The following MYH15 variants were observed in gnomAD, a reference collection of about 807,000 sequenced individuals.
MYH15 encodes the protein myosin heavy chain 15.
MYH15 carries 227 observed loss-of-function variants against 240.5 expected under a neutral mutation model. The observed-to-expected ratio is 0.94, with a 90% CI of 0.85 to 1.05. The LOEUF is 1.05. Among genes scored for constraint, MYH15 ranks in the 50% least tolerant of loss-of-function variants. MYH15 has a pLI of 0.00. For synonymous variants in MYH15, 785 were observed against 796.7 expected (o/e 0.99, Z 0.25); for missense variants, 2,217 against 2,247.5 (o/e 0.99, Z 0.27).
At chr3:108,507,988 CCTCT>C (rs1182287908) in intron 1 of MYH15, among the ~76,000 whole-genome samples, 1 of 152,130 alleles carries the variant, frequency 6.6e-6, no homozygotes, top group Non-Finnish European at 1.5e-5. Context: ...AGTCTCTCTC[CCTCT>C]GTCTCTCTTT....
chr3:108,416,793 G>C lies in MYH15; in HGVS notation c.3948+19C>G. ...AAACACACAGTCAAGAAACTAGTGA[G>C]AAATAATAGATACATTACTTTGGTC... On this transcript the variant is annotated intron_variant, in intron 29 of 40. Coordinates refer to ENST00000693548, the MANE Select transcript of MYH15 (RefSeq NM_014981.3). 6.4e-7 allele frequency: 1 copy of C among 1,561,388 alleles called. No homozygotes were observed. The highest frequency in any genetic ancestry group is 8.8e-7 in the Non-Finnish European group (1 of 1,137,392).
At chr3:108,536,629 C>T in the MYH15 span, among the ~76,000 whole-genome samples, 1 of 152,124 alleles carries the variant, frequency 6.6e-6, no homozygotes, top group African/African-American at 2.4e-5. Context: ...GGGGGAATGG[C>T]CCAGGTGGCC....
At chr3:108,455,696 C>G (rs772469052) in intron 20 of MYH15, 40 bp downstream of exon 20, 29 of 1,604,260 alleles carry the variant, frequency 1.8e-5, no homozygotes, top group East Asian at 4.5e-5. Context: ...GTCTTCCCCC[C>G]ATTCGTCTCC....
chr3:108,478,175 T>G (rs1328830036), intron 11 of MYH15, among the ~76,000 whole-genome samples: 1 of 152,168 alleles, frequency 6.6e-6, no homozygotes, highest in Non-Finnish European at 1.5e-5. Context: ...TAGAGAGCTC[T>G]ATCTCGTCTG....
intron 19 of MYH15, 34 bp from the exon 20 acceptor site, chr3:108,455,893 G>T: frequency 6.3e-7 from 1 of 1,584,708 alleles, no homozygotes; most frequent in South Asian, 1.1e-5. Flanking sequence ...CATGAGTTTG[G>T]GAAATCATAT....
chr3:108,500,258 A>G lies in MYH15; in HGVS notation c.356T>C (p.Phe119Ser). ...QWMIYTYSGL[F>S]CVTINPYKWL... ...TTTGTAAGGGTTTATGGTCACACAGAAGAGACCTGAATATGTCTGAGGGAA... is the reference window on the plus strand; with the variant it reads ...TTTGTAAGGGTTTATGGTCACACAGGAGAGACCTGAATATGTCTGAGGGAA... Residue 119 changes from phenylalanine (F) to serine (S), a missense_variant, in exon 4 of 41, where the codon TTC (phenylalanine) becomes TCC (serine). Phe to Ser is a radical substitution (Grantham distance 155). Coordinates refer to ENST00000693548, the MANE Select transcript of MYH15 (RefSeq NM_014981.3). The G allele has an allele frequency of 6.2e-7, 1 of 1,613,334 alleles. No individual in the cohort carries two copies. The highest frequency in any genetic ancestry group is 8.5e-7 in the Non-Finnish European group (1 of 1,179,674).
Position 108,383,708 on chromosome 3 carries a change from G to T in MYH15, c.5653C>A (p.Leu1885Ile). 1 of 1,585,446 alleles carries T rather than the reference G, an allele frequency of 6.3e-7. No individual in the cohort carries two copies. Among genetic ancestry groups the T allele is most frequent in the Non-Finnish European group, 8.6e-7 (1 of 1,166,322 alleles). ...TGTTGCTGTTTCTTATACTTGGAAA[G>T]GTATTGATTGGCTTGTGTTTCCTAT... ...EVAETQANQY[L>I]SKYKKQQHEL... The change falls in exon 40 of 41, where the codon CTT (leucine) becomes ATT (isoleucine). Residue 1885 changes from leucine (L) to isoleucine (I), a missense_variant. Coordinates refer to ENST00000693548, the MANE Select transcript of MYH15 (RefSeq NM_014981.3).
chr3:108,385,845 C>T lies in MYH15; in HGVS notation c.5536-1063G>A, dbSNP rs908983801. Reference sequence around the variant, plus strand: ...CACATTCTCCTGTTTCCCCAGAGCTCCCCTGCTCACTCTGTCCTCCTTAGG... The same window carrying T: ...CACATTCTCCTGTTTCCCCAGAGCTTCCCTGCTCACTCTGTCCTCCTTAGG... On this transcript the variant is annotated intron_variant, in intron 38 of 40. Transcript: ENST00000693548. 3.9e-5 allele frequency among the ~76,000 whole-genome samples: 6 copies of T among 152,068 alleles called. No individual in the cohort carries two copies. In the South Asian group the frequency reaches 1.2e-3, roughly 32 times the overall value.
At chr3:108,550,568 C>T in the MYH15 span, 1 of 151,314 alleles carries the variant, frequency 6.6e-6, no homozygotes, top group South Asian at 2.1e-4. Flanking sequence ...AATTTTTATA[C>T]ATTTTATTAC....
chr3:108,428,902 G>A, intron 26 of MYH15, 21 bp from the exon 27 acceptor site: 1 of 1,575,754 alleles, frequency 6.3e-7, no homozygotes. Flanking sequence ...AAATAATTTT[G>A]ACTTTTACTA....
intron 35 of MYH15, among the ~76,000 whole-genome samples, chr3:108,398,252 G>A (rs184059014): frequency 4.1e-4 from 63 of 152,250 alleles, no homozygotes; most frequent in Admixed American, 2.4e-3. Context: ...AAGGCGGAAG[G>A]TTAGAGTGAT....
At chr3:108,543,069 T>C in the MYH15 span, among the ~76,000 whole-genome samples, 4 of 151,930 alleles carry the variant, frequency 2.6e-5, no homozygotes, top group South Asian at 4.2e-4. Flanking sequence ...TTAGTAGAGA[T>C]GAGGTTTCAC....
rs866510651 is a variant in MYH15 at position 108,480,439 on chromosome 3, C to T, written c.1115-3924G>A. Among the ~76,000 whole-genome samples the T allele has an allele frequency of 3.4e-4, 51 of 152,044 alleles. 1 individual carries two copies. Among genetic ancestry groups the T allele is most frequent in the Admixed American group, 3.1e-3 (48 of 15,250 alleles). ...TCTGGTCGCAGAAGACATCTAATGC[C>T]GCTATAACATATTAATTAAAGAATG... On this transcript the variant is annotated intron_variant, in intron 11 of 40. Coordinates refer to ENST00000693548, the MANE Select transcript of MYH15 (RefSeq NM_014981.3).
intron 40 of MYH15, among the ~76,000 whole-genome samples, chr3:108,382,720 C>T (rs979753102): frequency 4.0e-5 from 6 of 151,886 alleles, no homozygotes; most frequent in African/African-American, 1.5e-4. Flanking sequence ...ATTCCTGATT[C>T]TGCCCGAAAA....
chr3:108,541,289 T>C, the MYH15 span, among the ~76,000 whole-genome samples: 1 of 151,726 alleles, frequency 6.6e-6, no homozygotes, highest in South Asian at 2.1e-4. Context: ...TACTAAAACA[T>C]TATCAAGTCA....
rs1280734487 is a variant in MYH15 at position 108,380,826 on chromosome 3, C to G, written c.*719G>C. The G allele has an allele frequency of 6.6e-6, 1 of 152,402 alleles. No homozygotes were observed. Among genetic ancestry groups the G allele is most frequent in the African/African-American group, 2.4e-5 (1 of 41,412 alleles). The allele number at this position is 152,402 out of a possible 1,614,324, so 9.4% of individuals were successfully genotyped here. ...AAATTAATGCAAATTTCTTTATGAC[C>G]TACTCCAATCCAGAACCATGAGAGA... On this transcript the variant is annotated 3_prime_UTR_variant, in exon 41 of 41. Transcript: ENST00000693548.
At chr3:108,536,156 T>C in the MYH15 span, among the ~76,000 whole-genome samples, 2 of 152,034 alleles carry the variant, frequency 1.3e-5, no homozygotes, top group Non-Finnish European at 2.9e-5. Flanking sequence ...TCCCAGCTAT[T>C]TGTGAGGCTG....
chr3:108,443,315 G>A (rs941199395), intron 22 of MYH15, among the ~76,000 whole-genome samples: 8 of 152,118 alleles, frequency 5.3e-5, no homozygotes, highest in African/African-American at 1.9e-4. Context: ...AATACAGCCT[G>A]TTGGCATGCT....
intron 6 of MYH15, among the ~76,000 whole-genome samples, chr3:108,497,748 G>GC (rs749076830): frequency 1.3e-5 from 2 of 152,074 alleles, no homozygotes; most frequent in Non-Finnish European, 2.9e-5. Flanking sequence ...CTAGCCTTTA[G>GC]GTAAGATGGT....
Sources: allele counts gnomAD v4.1 joint callset (sites outside exome capture counted in the v4.1 genomes callset), GRCh38; gene constraint gnomAD v4.1.1; transcripts MANE v1.5; gene names NCBI Gene and HGNC (gene_info 2026-07-23, HGNC 2026-07-21).